Variants in TIMM23 observed in about 807,000 individuals in gnomAD.
TIMM23 encodes translocase of inner mitochondrial membrane 23.
Under a neutral mutation model 30.7 loss-of-function variants are expected in TIMM23, and 19 were observed. The ratio of observed to expected loss-of-function variants is 0.62; its 90% CI spans 0.43 to 0.91. The LOEUF is 0.91. Among genes scored for constraint, TIMM23 ranks in the 40% least tolerant of loss-of-function variants. The pLI, the probability that TIMM23 is intolerant of heterozygous loss-of-function variation, is 0.00. For synonymous variants in TIMM23, 78 were observed against 98.5 expected, an observed-to-expected ratio of 0.79 and a Z score of 1.23; for missense variants, 202 against 269.2, an observed-to-expected ratio of 0.75 and a Z score of 1.75.
chr10:45,984,267 C>T (rs1433692573), intron 4 of TIMM23, among the ~76,000 whole-genome samples: 1 of 152,144 alleles, frequency 6.6e-6, no homozygotes, highest in East Asian at 1.9e-4. Flanking sequence ...CAGTTCTATC[C>T]CATTTCCTTC....
intron 6 of TIMM23, among the ~76,000 whole-genome samples, chr10:45,997,938 TAAAAG>T (rs1838397030): frequency 6.6e-6 from 1 of 152,176 alleles, no homozygotes; most frequent in Non-Finnish European, 1.5e-5. Context: ...CCATAATTCT[TAAAAG>T]AATAAAGTTT....
chr10:45,994,456 CCCTT>C (rs1282052141), intron 6 of TIMM23, among the ~76,000 whole-genome samples: 2 of 130,562 alleles, frequency 1.5e-5, no homozygotes, highest in Non-Finnish European at 3.2e-5. Context: ...CTATGTTGAG[CCCTT>C]CCTTTTTTTT....
At chr10:45,990,679 T>C in intron 6 of TIMM23, 1 of 426,058 alleles carries the variant, frequency 2.3e-6, no homozygotes, top group Non-Finnish European at 4.6e-6. Context: ...TGCCTCAGCC[T>C]CCCAAAGTGC....
chr10:46,000,052 TTTTTTCAAG>T (rs1360910910), intron 6 of TIMM23, among the ~76,000 whole-genome samples: 4 of 152,208 alleles, frequency 2.6e-5, no homozygotes, highest in Admixed American at 6.5e-5. Flanking sequence ...TACCCTGTTC[TTTTTTCAAG>T]GTGCCCAGAT....
At chr10:45,973,369 TC>T (rs1229344261) in intron 1 of TIMM23, among the ~76,000 whole-genome samples, 2 of 152,234 alleles carry the variant, frequency 1.3e-5, no homozygotes, top group Non-Finnish European at 2.9e-5. Flanking sequence ...GAAAATGTTT[TC>T]CAGAACTTTG....
Position 45,982,403 on chromosome 10 carries a change from G to A in TIMM23, c.166-120G>A, listed in dbSNP as rs1837876255. The A allele has an allele frequency of 8.4e-6, 8 of 950,752 alleles. No homozygotes were observed. The South Asian group carries it at 1.2e-4, about 15-fold the overall frequency. The allele number at this position is 950,752 out of a possible 1,614,324, so 58.9% of individuals were successfully genotyped here. On this transcript the variant is annotated intron_variant, in intron 2 of 6. Transcript: ENST00000580018. ...AAGTTTTATTTTTGTTTAAGTATAG[G>A]TTTGAGTTAATTTAAGGTTTATTTT...
At chr10:46,003,078 A>C (rs10995796) in intron 6 of TIMM23, 125 bp from the exon 7 acceptor site, 194,221 of 671,296 alleles carry the variant, frequency 0.29, 31,498 homozygotes, top group South Asian at 0.51. Context: ...CGGCCTCCCG[A>C]AGTGCTGGGA....
At chr10:45,978,955 TAAAAAA>T (rs1178661262) in intron 2 of TIMM23, among the ~76,000 whole-genome samples, 1 of 152,172 alleles carries the variant, frequency 6.6e-6, no homozygotes, top group Non-Finnish European at 1.5e-5. Flanking sequence ...TATTTGGTAA[TAAAAAA>T]AGAATTATTA....
At chr10:45,998,492 A>G in intron 6 of TIMM23, 1 of 632,302 alleles carries the variant, frequency 1.6e-6, no homozygotes, top group Non-Finnish European at 2.0e-6. Flanking sequence ...TTTGCTTATC[A>G]ACTTCCTGTG....
intron 6 of TIMM23, among the ~76,000 whole-genome samples, chr10:45,991,360 G>T (rs1280625794): frequency 7.0e-4 from 107 of 152,316 alleles, no homozygotes; most frequent in Middle Eastern, 3.4e-3. Context: ...GCTAGAAGTG[G>T]TGGGTAGATA....
intron 4 of TIMM23, among the ~76,000 whole-genome samples, chr10:45,983,959 T>A (rs1409090353): frequency 1.3e-5 from 2 of 152,162 alleles, no homozygotes; most frequent in Non-Finnish European, 2.9e-5. Flanking sequence ...GCTCAGGCTG[T>A]TCTCAAACTC....
At chr10:45,981,056 A>G (rs1837829512) in intron 2 of TIMM23, among the ~76,000 whole-genome samples, 1 of 145,618 alleles carries the variant, frequency 6.9e-6, no homozygotes, top group African/African-American at 2.6e-5. Context: ...CTCCTGCCTC[A>G]GCCTCCCAAG....
At chr10:45,994,091 G>A (rs1259830913) in intron 6 of TIMM23, among the ~76,000 whole-genome samples, 2 of 152,142 alleles carry the variant, frequency 1.3e-5, no homozygotes, top group Non-Finnish European at 2.9e-5. Flanking sequence ...TGTAATCCTA[G>A]CACTTTGGGA....
chr10:45,990,217 G>A (rs1838120111), intron 6 of TIMM23, among the ~76,000 whole-genome samples: 1 of 151,546 alleles, frequency 6.6e-6, no homozygotes, highest in African/African-American at 2.4e-5. Context: ...CCACCTCCTG[G>A]GATCAAGCAG....
chr10:45,986,777 A>G (rs1237230484), intron 5 of TIMM23, among the ~76,000 whole-genome samples: 1 of 150,138 alleles, frequency 6.7e-6, no homozygotes, highest in Non-Finnish European at 1.5e-5. Flanking sequence ...CTTTTTTTTT[A>G]ATCTATTTTT....
chr10:45,977,593 T>C (rs1310223401), intron 2 of TIMM23, among the ~76,000 whole-genome samples: 1 of 152,244 alleles, frequency 6.6e-6, no homozygotes, highest in African/African-American at 2.4e-5. Context: ...GTCAAACTCT[T>C]AGAAGAAATC....
chr10:45,982,263 T>C (rs1303294287), intron 2 of TIMM23, among the ~76,000 whole-genome samples: 1 of 152,262 alleles, frequency 6.6e-6, no homozygotes, highest in East Asian at 1.9e-4. Flanking sequence ...TAAACACTTT[T>C]GCACAAATCT....
In TIMM23 at chr10:45,988,691, C is replaced by T. The variant is rs1590121580; in HGVS notation, c.404-46C>T. 4.6e-6 allele frequency: 7 copies of T among 1,534,000 alleles called. No homozygotes were observed. In the East Asian group the frequency reaches 1.3e-4, roughly 30 times the overall value. On this transcript the variant is annotated intron_variant, in intron 5 of 6. Transcript: ENST00000580018. ...CCAATATATGTATATCATAATATCA[C>T]ACTTTATCACTGTTTTGTCACTGAG...
At chr10:45,990,899 A>G (rs1351168011) in intron 6 of TIMM23, among the ~76,000 whole-genome samples, 4 of 152,232 alleles carry the variant, frequency 2.6e-5, no homozygotes, top group Non-Finnish European at 1.5e-5. Flanking sequence ...TCCTTTATAT[A>G]GGTCAGCTCA....
Sources: allele counts gnomAD v4.1 joint callset (sites outside exome capture counted in the v4.1 genomes callset), GRCh38; gene constraint gnomAD v4.1.1; transcripts MANE v1.5; gene names NCBI Gene and HGNC (gene_info 2026-07-23, HGNC 2026-07-21).